The following RABGAP1 variants were observed in gnomAD, a reference collection of about 807,000 sequenced individuals.
RABGAP1 encodes the protein RAB GTPase activating protein 1.
A neutral mutation model predicts 137.6 loss-of-function variants in RABGAP1; 23 were observed. The ratio of observed to expected loss-of-function variants is 0.17; its 90% CI spans 0.12 to 0.24. The LOEUF (loss-of-function observed/expected upper bound fraction) is 0.24. Ranked by LOEUF, RABGAP1 falls within the 10% of genes least tolerant of loss-of-function variation. RABGAP1 has a pLI of 1.00. For missense variants in RABGAP1, 906 were observed against 1,275.8 expected (o/e 0.71, Z 4.42); for synonymous variants, 451 against 450.7 (o/e 1.00, Z -0.01).
intron 13 of RABGAP1, among the ~76,000 whole-genome samples, chr9:123,060,139 T>G (rs987837320): frequency 6.6e-6 from 1 of 152,172 alleles, no homozygotes; most frequent in African/African-American, 2.4e-5. Context: ...GATTACAGTT[T>G]TTGTGAGTGT....
intron 21 of RABGAP1, among the ~76,000 whole-genome samples, chr9:123,091,738 G>C (rs543913146): frequency 5.3e-5 from 8 of 152,136 alleles, no homozygotes; most frequent in African/African-American, 1.9e-4. Context: ...AGTTTTTGCA[G>C]GGAGAATGTT....
At chr9:123,100,576 C>T (rs1475544926) in intron 24 of RABGAP1, among the ~76,000 whole-genome samples, 1 of 152,054 alleles carries the variant, frequency 6.6e-6, no homozygotes, top group Non-Finnish European at 1.5e-5. Flanking sequence ...CTTGTGCCAC[C>T]GTGCCAGCTA....
At chr9:123,066,129 G>T (rs1358564146) in intron 14 of RABGAP1, among the ~76,000 whole-genome samples, 1 of 152,172 alleles carries the variant, frequency 6.6e-6, no homozygotes, top group Non-Finnish European at 1.5e-5. Flanking sequence ...GTAAGTACAG[G>T]TAAGGCATGA....
chr9:123,035,463 C>T lies in RABGAP1; in HGVS notation c.1794+15004C>T, dbSNP rs753517274. 2.5e-6 allele frequency: 4 copies of T among 1,614,048 alleles called. No homozygotes were observed. The Admixed American group carries it at 6.7e-5, about 27-fold the overall frequency. ...GGCTTGCTATTAGTAACAGTTTCTG[C>T]AACTGTGTAATTTATAGTCTCTCCA... On this transcript the variant is annotated intron_variant, in intron 13 of 25. Transcript: ENST00000373647.
chr9:123,018,187 G>C (rs2031374659), intron 12 of RABGAP1, among the ~76,000 whole-genome samples: 1 of 152,016 alleles, frequency 6.6e-6, no homozygotes, highest in Non-Finnish European at 1.5e-5. Flanking sequence ...GTAGAGACAG[G>C]GTTTCACCGT....
intron 2 of RABGAP1, among the ~76,000 whole-genome samples, chr9:122,959,484 A>C (rs998296261): frequency 3.4e-4 from 52 of 152,106 alleles, no homozygotes; most frequent in African/African-American, 1.0e-3. Flanking sequence ...AGCATGTTCT[A>C]CTCCTCAGCA....
In RABGAP1 at chr9:122,996,159, T is replaced by C. The variant is rs1031158516; in HGVS notation, c.1034+8T>C. On this transcript the variant is annotated splice_region_variant and intron_variant, in intron 7 of 25. Transcript: ENST00000373647. ...AGAACTTGCCATTGAAAGGTAAGCA[T>C]TTTTAGTAAGTTTAGCTTAAATATA... 1.2e-6 allele frequency: 2 copies of C among 1,604,110 alleles called. No homozygotes were observed. The highest frequency in any genetic ancestry group is 2.3e-5 in the South Asian group (2 of 88,790).
intron 13 of RABGAP1, chr9:123,034,812 C>T (rs750356676): frequency 3.1e-5 from 50 of 1,613,592 alleles, no homozygotes; most frequent in Admixed American, 2.0e-4. Flanking sequence ...GGGTGAGCTG[C>T]GTGGTCCCTT....
At chr9:123,002,770 A>G (rs2131841748) in intron 10 of RABGAP1, among the ~76,000 whole-genome samples, 1 of 151,966 alleles carries the variant, frequency 6.6e-6, no homozygotes, top group African/African-American at 2.4e-5. Context: ...ATTTTTTTTT[A>G]GTTAGGCTAA....
At chr9:123,029,658 C>T in intron 13 of RABGAP1, 1 of 708,500 alleles carries the variant, frequency 1.4e-6, no homozygotes, top group East Asian at 3.0e-5. Flanking sequence ...ACCATTTCTT[C>T]TTTTTGGCCT....
chr9:123,066,281 T>C (rs1462843532), intron 14 of RABGAP1, among the ~76,000 whole-genome samples: 1 of 152,242 alleles, frequency 6.6e-6, no homozygotes, highest in East Asian at 1.9e-4. Context: ...ATTTTAACTT[T>C]TACATAGGAT....
intron 1 of RABGAP1, among the ~76,000 whole-genome samples, chr9:122,950,100 G>A (rs1047037811): frequency 2.6e-5 from 4 of 152,142 alleles, no homozygotes; most frequent in Non-Finnish European, 4.4e-5. Flanking sequence ...TAGTTTTGAG[G>A]AAAGGGGAGG....
At chr9:123,093,917 A>C (rs2035104365) in intron 21 of RABGAP1, among the ~76,000 whole-genome samples, 1 of 152,232 alleles carries the variant, frequency 6.6e-6, no homozygotes, top group Non-Finnish European at 1.5e-5. Context: ...GAACATGTTA[A>C]AATTTTCCTT....
chr9:123,043,747 T>C (rs2033067742), intron 13 of RABGAP1, among the ~76,000 whole-genome samples: 1 of 152,030 alleles, frequency 6.6e-6, no homozygotes, highest in African/African-American at 2.4e-5. Context: ...AACTTAAGCA[T>C]TTTATTCAGA....
chr9:123,098,105 G>A (rs373281241), intron 22 of RABGAP1, among the ~76,000 whole-genome samples: 10 of 152,356 alleles, frequency 6.6e-5, no homozygotes, highest in African/African-American at 2.4e-4. Flanking sequence ...AGAAGAGGGG[G>A]TAGAATTCCT....
At chr9:122,948,517 C>G (rs989249952) in intron 1 of RABGAP1, among the ~76,000 whole-genome samples, 1 of 152,162 alleles carries the variant, frequency 6.6e-6, no homozygotes, top group Non-Finnish European at 1.5e-5. Flanking sequence ...GCAAGTAAAA[C>G]TTGTTCGTAC....
chr9:122,977,408 A>ATTTT (rs1835818493), intron 2 of RABGAP1, among the ~76,000 whole-genome samples: 1 of 152,170 alleles, frequency 6.6e-6, no homozygotes, highest in African/African-American at 2.4e-5. Flanking sequence ...TCATTGATTA[A>ATTTT]AAAAGGATGC....
At chr9:123,061,671 A>G (rs2033977027) in intron 13 of RABGAP1, among the ~76,000 whole-genome samples, 1 of 152,210 alleles carries the variant, frequency 6.6e-6, no homozygotes, top group Non-Finnish European at 1.5e-5. Context: ...AAAACACAAA[A>G]CCAGTTGATC....
At chr9:123,089,603 C>CT in intron 19 of RABGAP1, 155 bp from the exon 20 acceptor site, 1 of 615,842 alleles carries the variant, frequency 1.6e-6, no homozygotes, top group Non-Finnish European at 2.8e-6. Context: ...GGCTTATACC[C>CT]TACTCTGATG....
Sources: allele counts gnomAD v4.1 joint callset (sites outside exome capture counted in the v4.1 genomes callset), GRCh38; gene constraint gnomAD v4.1.1; transcripts MANE v1.5; gene names NCBI Gene and HGNC (gene_info 2026-07-23, HGNC 2026-07-21).